Variants in FLCN observed in about 807,000 individuals in gnomAD.
FLCN encodes the protein folliculin.
In FLCN, 22 loss-of-function variants were observed where a neutral mutation model predicts 62.5. The observed-to-expected ratio is 0.35, with a 90% CI of 0.25 to 0.50. The LOEUF is 0.50. Ranked by LOEUF, FLCN falls within the 20% of genes least tolerant of loss-of-function variation. FLCN has a pLI of 0.97. For synonymous variants in FLCN, 319 were observed against 310.0 expected (o/e 1.03, Z -0.30); for missense variants, 657 against 778.0 (o/e 0.84, Z 1.85).
chr17:17,213,909 C>G, intron 13 of FLCN, 53 bp from the exon 14 acceptor site: 1 of 1,601,624 alleles, frequency 6.2e-7, no homozygotes. Flanking sequence ...TCCCTCGAGC[C>G]CTGGTCACGG....
chr17:17,223,384 C>T (rs919709572), intron 6 of FLCN, among the ~76,000 whole-genome samples: 4 of 152,100 alleles, frequency 2.6e-5, no homozygotes, highest in Admixed American at 1.3e-4. Context: ...TGAGCCACTG[C>T]GCCCAGCCTA....
chr17:17,226,342 G>A lies in FLCN; in HGVS notation c.250-20C>T. The A allele has an allele frequency of 1.2e-6, 2 of 1,614,116 alleles. No individual in the cohort carries two copies. Among genetic ancestry groups the A allele is most frequent in the Non-Finnish European group, 1.7e-6 (2 of 1,180,034 alleles). ...GCAGCCCTGTCCATGAAAAGGAAAA[G>A]TAAATCTGTTAGTTGGGAAGCAGGG... On this transcript the variant is annotated intron_variant, in intron 4 of 13. Transcript: ENST00000285071.
chr17:17,227,395 C>A (rs1033471012), intron 4 of FLCN, among the ~76,000 whole-genome samples: 7 of 151,892 alleles, frequency 4.6e-5, no homozygotes, highest in African/African-American at 1.7e-4. Flanking sequence ...ATGAAGGCCA[C>A]GGCAGGGAGG....
chr17:17,236,731 G>T (rs1282760384), intron 1 of FLCN, among the ~76,000 whole-genome samples, 181 bp downstream of exon 1: 1 of 152,106 alleles, frequency 6.6e-6, no homozygotes, highest in African/African-American at 2.4e-5. Flanking sequence ...AACATCAAAT[G>T]AGATCACAGT....
chr17:17,215,744 G>A (rs945232268), intron 11 of FLCN, among the ~76,000 whole-genome samples: 8 of 152,152 alleles, frequency 5.3e-5, no homozygotes, highest in East Asian at 1.9e-4. Flanking sequence ...GCACTGCCTC[G>A]CAGGGAGTCA....
At position 17,219,259 on chromosome 17, in the gene FLCN, G is replaced by A. The variant is rs757952260; in HGVS notation, c.872-50C>T. The A allele has an allele frequency of 1.9e-6, 3 of 1,592,082 alleles. No homozygotes were observed. The South Asian group carries it at 3.3e-5, about 18-fold the overall frequency. ...TTACAGATACAAACAGTCTCATCCT[G>A]TGACTTCAGCCCAAGATACTTCATG... On this transcript the variant is annotated intron_variant, in intron 8 of 13. Coordinates refer to ENST00000285071, the MANE Select transcript of FLCN (RefSeq NM_144997.7).
At chr17:17,229,208 C>G (rs956144749) in intron 3 of FLCN, 3 of 152,410 alleles carry the variant, frequency 2.0e-5, no homozygotes, top group Non-Finnish European at 4.4e-5. Context: ...ATGGGACCTC[C>G]GTGGAGTGCA....
intron 1 of FLCN, among the ~76,000 whole-genome samples, chr17:17,236,568 C>T (rs971378675): frequency 6.6e-6 from 1 of 152,290 alleles, no homozygotes; most frequent in South Asian, 2.1e-4. Flanking sequence ...CGGTCTTCCA[C>T]CCTCCCTGGA....
intron 5 of FLCN, chr17:17,224,912 T>TA (rs1288426490): frequency 6.5e-6 from 1 of 152,856 alleles, no homozygotes; most frequent in African/African-American, 2.4e-5. Context: ...CACACAATTC[T>TA]AACAGACATG....
chr17:17,216,931 A>G lies in FLCN; in HGVS notation c.1176+138T>C, dbSNP rs1252860866. The G allele has an allele frequency of 1.4e-6, 1 of 725,858 alleles. No homozygotes were observed. Among genetic ancestry groups the G allele is most frequent in the Non-Finnish European group, 2.5e-6 (1 of 403,376 alleles). 45.0% of individuals were successfully genotyped at this position (725,858 alleles called of 1,614,324 possible). A position where few individuals can be genotyped will look rare whatever the true frequency, so the allele number is the denominator to read the frequency against. On this transcript the variant is annotated intron_variant, in intron 10 of 13. Transcript: ENST00000285071. This position sits in a 1 kb window ranked among gnomAD's most constrained non-coding sequence, Gnocchi z 4.0. ...AGACCAGACCCGGGTCTCCGTGCCCACTGCGCCCCCAGTGGAGACCGTGTG... is the reference window on the plus strand; with the variant it reads ...AGACCAGACCCGGGTCTCCGTGCCCGCTGCGCCCCCAGTGGAGACCGTGTG...
At chr17:17,233,716 CTTTTTTTTTTTT>C (rs34208211) in intron 1 of FLCN, among the ~76,000 whole-genome samples, 1 of 63,930 alleles carries the variant, frequency 1.6e-5, no homozygotes, top group Non-Finnish European at 2.8e-5. Context: ...CCCATCTTTC[CTTTTTTTTTTTT>C]TTTTTTTTTT....
At chr17:17,236,008 A>G (rs1178395580) in intron 1 of FLCN, 1 of 152,150 alleles carries the variant, frequency 6.6e-6, no homozygotes, top group Non-Finnish European at 1.5e-5. Context: ...CCCTGGCCCT[A>G]TTTCAACCCT....
chr17:17,226,416 C>G, intron 4 of FLCN, 94 bp from the exon 5 acceptor site: 1 of 1,480,098 alleles, frequency 6.8e-7, no homozygotes, highest in Non-Finnish European at 9.4e-7. Flanking sequence ...AAAACTCAAG[C>G]TATTTTTGTA....
intron 5 of FLCN, chr17:17,225,685 T>G (rs2047224569): frequency 4.5e-6 from 1 of 220,020 alleles, no homozygotes; most frequent in African/African-American, 2.3e-5. Context: ...CACTCCAGCC[T>G]GGGCAACCGA....
intron 5 of FLCN, chr17:17,225,170 G>C (rs1168388337): frequency 6.6e-6 from 1 of 152,318 alleles, no homozygotes; most frequent in Non-Finnish European, 1.5e-5. Context: ...AGCAGGCTGA[G>C]AGCAGCACGG....
Position 17,215,198 on chromosome 17 carries a change from T to C in FLCN, c.1419A>G (p.Val473=). ...GGGGGCACCCACCTCGGTCTGCAGC[T>C]ACAGGGCTCCCACTGGTCACCACAA... is the stretch of plus-strand genomic sequence containing the variant. ...YEFVVTSGSP[V]AADRVGPTIL... is the part of the protein sequence containing the mutation. The change falls in exon 12 of 14, where the codon GTA becomes GTG. Residue 473 remains valine, a synonymous_variant. Coordinates refer to ENST00000285071, the MANE Select transcript of FLCN (RefSeq NM_144997.7). The C allele has an allele frequency of 1.9e-6, 3 of 1,614,152 alleles. No individual in the cohort carries two copies. The highest frequency in any genetic ancestry group is 2.5e-6 in the Non-Finnish European group (3 of 1,180,026).
At position 17,216,356 on chromosome 17, in the gene FLCN, C is replaced by T. The variant is rs2144855123; in HGVS notation, c.1300+24G>A. On this transcript the variant is annotated intron_variant, in intron 11 of 13. Coordinates refer to ENST00000285071, the MANE Select transcript of FLCN (RefSeq NM_144997.7). This position sits in a 1 kb window ranked among gnomAD's most constrained non-coding sequence, Gnocchi z 4.0. ...GGGGAACCTCAGCGCAGGGCATGGC[C>T]CCACAGCCCGCGGGGGCACGCACCT... is the stretch of plus-strand genomic sequence containing the variant. The T allele has an allele frequency of 6.2e-7, 1 of 1,612,734 alleles. No individual in the cohort carries two copies. Among genetic ancestry groups the T allele is most frequent in the Non-Finnish European group, 8.5e-7 (1 of 1,179,488 alleles).
At chr17:17,215,368 C>T (rs1205755718) in intron 11 of FLCN, 52 bp from the exon 12 acceptor site, 18 of 1,611,880 alleles carry the variant, frequency 1.1e-5, no homozygotes, top group Non-Finnish European at 1.4e-5. Context: ...CTCCTCACCT[C>T]CCCTGCGCTA....
In FLCN at chr17:17,215,015, C is replaced by G. The variant is rs778904029; in HGVS notation, c.1508G>C (p.Cys503Ser). The G allele has an allele frequency of 6.8e-6, 11 of 1,614,072 alleles. No homozygotes were observed. Among genetic ancestry groups the G allele is most frequent in the Non-Finnish European group, 6.8e-6 (8 of 1,180,044 alleles). The change falls in exon 13 of 14, where the codon TGC becomes TCC. Residue 503 changes from cysteine (C) to serine (S), a missense_variant. Cys to Ser is a moderately radical substitution (Grantham distance 112). Coordinates refer to ENST00000285071, the MANE Select transcript of FLCN (RefSeq NM_144997.7). ...CCACTCCTCCTTGAGGCAGACGAGG[C>G]ACTGGTCCACCACATCCACAGACAG... Reference protein sequence around the residue: ...QNLSVDVVDQCLVCLKEEWMN... With the variant: ...QNLSVDVVDQSLVCLKEEWMN...
Sources: allele counts gnomAD v4.1 joint callset (sites outside exome capture counted in the v4.1 genomes callset), GRCh38; gene constraint gnomAD v4.1.1; non-coding constraint Gnocchi (gnomAD v3.1); transcripts MANE v1.5; gene names NCBI Gene and HGNC (gene_info 2026-07-23, HGNC 2026-07-21).